The following SAMD4A variants were observed in gnomAD, a reference collection of about 807,000 sequenced individuals.
SAMD4A encodes sterile alpha motif domain containing 4A.
Under a neutral mutation model 81.3 loss-of-function variants are expected in SAMD4A, and 33 were observed. The observed-to-expected ratio is 0.41, with a 90% CI of 0.31 to 0.54. The LOEUF is 0.54. SAMD4A is among the 20% of genes least tolerant of loss of function. SAMD4A has a pLI of 0.37. For synonymous variants in SAMD4A, 389 were observed against 382.1 expected (o/e 1.02, Z -0.21); for missense variants, 854 against 951.1 (o/e 0.90, Z 1.34).
At chr14:54,613,859 A>G (rs2034426425) in intron 2 of SAMD4A, among the ~76,000 whole-genome samples, 1 of 152,194 alleles carries the variant, frequency 6.6e-6, no homozygotes, top group Admixed American at 6.5e-5. Context: ...CAATAACGCT[A>G]AGACATTGTT....
intron 2 of SAMD4A, among the ~76,000 whole-genome samples, chr14:54,602,729 C>T (rs1029021426): frequency 2.6e-5 from 4 of 151,332 alleles, no homozygotes; most frequent in Admixed American, 1.3e-4. Flanking sequence ...CACACCAACA[C>T]GGCACATGTA....
intron 4 of SAMD4A, among the ~76,000 whole-genome samples, chr14:54,747,933 A>G (rs2038006930): frequency 6.6e-6 from 1 of 152,242 alleles, no homozygotes; most frequent in South Asian, 2.1e-4. Context: ...GTTTTATTTA[A>G]CAAGGTAATA....
chr14:54,682,819 C>T (rs979287572), intron 2 of SAMD4A, among the ~76,000 whole-genome samples: 3 of 152,192 alleles, frequency 2.0e-5, no homozygotes, highest in African/African-American at 2.4e-5. Context: ...TTCAGACATT[C>T]AGTGACTTAT....
At chr14:54,691,953 A>G (rs950315079) in intron 2 of SAMD4A, among the ~76,000 whole-genome samples, 3 of 152,236 alleles carry the variant, frequency 2.0e-5, no homozygotes, top group Non-Finnish European at 4.4e-5. Flanking sequence ...TTCATATTTC[A>G]TACCTAAATG....
chr14:54,701,960 A>G, intron 2 of SAMD4A, 102 bp from the exon 3 acceptor site: 4 of 1,267,810 alleles, frequency 3.2e-6, no homozygotes, highest in Non-Finnish European at 4.4e-6. Flanking sequence ...TAGCCAGACT[A>G]TGTAGATTGG....
intron 2 of SAMD4A, among the ~76,000 whole-genome samples, chr14:54,590,486 G>A (rs2033745392): frequency 6.6e-6 from 1 of 152,160 alleles, no homozygotes; most frequent in South Asian, 2.1e-4. Flanking sequence ...GTGAGGCCCT[G>A]TCTCAAAAAA....
intron 6 of SAMD4A, among the ~76,000 whole-genome samples, chr14:54,759,363 T>C (rs1458868365): frequency 1.3e-5 from 2 of 152,094 alleles, no homozygotes; most frequent in African/African-American, 4.8e-5. Flanking sequence ...TTCCTCAGAC[T>C]CCCCCCTCAG....
At position 54,567,575 on chromosome 14, in the gene SAMD4A, A is replaced by G. The variant is rs1212274370; in HGVS notation, c.-342A>G. ...GGGAGGAGACCCCAGGACGCCGGAA[A>G]TCACCATCCCAAAGCTGCAAGAAGG... On this transcript the variant is annotated 5_prime_UTR_variant, in exon 2 of 13. Transcript: ENST00000554335. The G allele has an allele frequency of 1.1e-5, 3 of 281,194 alleles. No individual in the cohort carries two copies. The highest frequency in any genetic ancestry group is 2.0e-5 in the Non-Finnish European group (3 of 149,510). 17.4% of individuals were successfully genotyped at this position (281,194 alleles called of 1,614,324 possible). A position where few individuals can be genotyped will look rare whatever the true frequency, so the allele number is the denominator to read the frequency against.
chr14:54,733,465 C>A (rs1180323314), intron 3 of SAMD4A, among the ~76,000 whole-genome samples: 2 of 151,996 alleles, frequency 1.3e-5, no homozygotes, highest in African/African-American at 4.8e-5. Context: ...AATTTTGTTC[C>A]CCTGAGTAAT....
rs893822234 is a variant in SAMD4A at position 54,567,616 on chromosome 14, T to C, written c.-301T>C. On this transcript the variant is annotated 5_prime_UTR_variant, in exon 2 of 13. Coordinates refer to ENST00000554335, the MANE Select transcript of SAMD4A (RefSeq NM_015589.6). ...TGCAAGAAGGGGGGAGAAAGCATTC[T>C]TCATTCAGTTGTGTGCCTTGTGGGG... The C allele has an allele frequency of 1.5e-5, 6 of 391,648 alleles. No individual in the cohort carries two copies. Among genetic ancestry groups the C allele is most frequent in the Non-Finnish European group, 2.7e-5 (6 of 219,452 alleles). 24.3% of individuals were successfully genotyped at this position (391,648 alleles called of 1,614,324 possible).
chr14:54,663,988 A>G (rs1395832740), intron 2 of SAMD4A, among the ~76,000 whole-genome samples: 1 of 152,250 alleles, frequency 6.6e-6, no homozygotes, highest in Non-Finnish European at 1.5e-5. Flanking sequence ...AACAAATGAA[A>G]TATGAGTGGG....
chr14:54,628,695 G>A (rs1025616750), intron 2 of SAMD4A, among the ~76,000 whole-genome samples: 2 of 152,118 alleles, frequency 1.3e-5, no homozygotes, highest in African/African-American at 4.8e-5. Flanking sequence ...CCTAACAACC[G>A]TTTGACCTAT....
chr14:54,769,481 T>C (rs919402535), intron 8 of SAMD4A, among the ~76,000 whole-genome samples: 17 of 152,198 alleles, frequency 1.1e-4, no homozygotes, highest in African/African-American at 3.1e-4. Flanking sequence ...CACACCAGTT[T>C]TGCTAGAAAA....
chr14:54,680,208 A>AT (rs2036097117), intron 2 of SAMD4A, among the ~76,000 whole-genome samples: 1 of 152,268 alleles, frequency 6.6e-6, no homozygotes, highest in African/African-American at 2.4e-5. Context: ...TAAGAACTAT[A>AT]TAAGTGAAAA....
At chr14:54,622,672 C>T (rs1268968291) in intron 2 of SAMD4A, among the ~76,000 whole-genome samples, 1 of 152,198 alleles carries the variant, frequency 6.6e-6, no homozygotes, top group Non-Finnish European at 1.5e-5. Flanking sequence ...CTGTGGCTCC[C>T]CTAGGAATCC....
intron 2 of SAMD4A, among the ~76,000 whole-genome samples, chr14:54,605,240 C>G (rs1175054292): frequency 6.6e-6 from 1 of 151,816 alleles, no homozygotes; most frequent in Non-Finnish European, 1.5e-5. Flanking sequence ...TCCCTGTGCA[C>G]CAAAAATCTA....
At chr14:54,746,802 A>G (rs567678637) in intron 4 of SAMD4A, among the ~76,000 whole-genome samples, 1 of 152,310 alleles carries the variant, frequency 6.6e-6, no homozygotes, top group African/African-American at 2.4e-5. Context: ...GCTTCTCTGA[A>G]TCATGATCAT....
At chr14:54,696,900 A>G (rs1210888541) in intron 2 of SAMD4A, 1 of 152,214 alleles carries the variant, frequency 6.6e-6, no homozygotes, top group Non-Finnish European at 1.5e-5. Context: ...ACATCATCAA[A>G]CCTTGAAGTT....
At chr14:54,720,887 C>G (rs1274357255) in intron 3 of SAMD4A, among the ~76,000 whole-genome samples, 1 of 152,138 alleles carries the variant, frequency 6.6e-6, no homozygotes, top group African/African-American at 2.4e-5. Context: ...CATGTTTTCC[C>G]TTGCTATGGG....
Sources: gnomAD v4.1 joint callset for allele counts (sites outside exome capture counted in the v4.1 genomes callset) on GRCh38, gnomAD v4.1.1 for gene constraint, MANE v1.5 for transcripts, NCBI Gene and HGNC (gene_info 2026-07-23, HGNC 2026-07-21) for gene names.